The following OR6F1 variants were observed in gnomAD, a reference collection of about 807,000 sequenced individuals.
OR6F1 encodes the protein olfactory receptor family 6 subfamily F member 1.
For missense variants in OR6F1, 346 were observed against 376.0 expected, an observed-to-expected ratio of 0.92 and a Z score of 0.66; for synonymous variants, 144 against 150.0, an observed-to-expected ratio of 0.96 and a Z score of 0.29.
At chr1:247,714,721 A>G (rs1032910955) in intron 1 of OR6F1, among the ~76,000 whole-genome samples, 1 of 152,136 alleles carries the variant, frequency 6.6e-6, no homozygotes, top group Non-Finnish European at 1.5e-5. Context: ...ATACAGAAAA[A>G]AATGCCCTAG....
chr1:247,713,059 G>A (rs1284015144), intron 2 of OR6F1, among the ~76,000 whole-genome samples: 2 of 152,198 alleles, frequency 1.3e-5, no homozygotes, highest in Non-Finnish European at 2.9e-5. Context: ...TCAGCTCCAA[G>A]ATTCAACTCC....
At chr1:247,713,327 C>T (rs1660045592) in intron 2 of OR6F1, among the ~76,000 whole-genome samples, 1 of 151,194 alleles carries the variant, frequency 6.6e-6, no homozygotes, top group South Asian at 2.1e-4. Context: ...TCAAAAGTCA[C>T]CAAAGGTAAC....
In OR6F1 at chr1:247,713,941, G is replaced by C; in HGVS notation, c.-113C>G. 1 of 398,528 alleles carries C rather than the reference G, an allele frequency of 2.5e-6. No homozygotes were observed. The highest frequency in any genetic ancestry group is 3.6e-5 in the East Asian group (1 of 28,068). 24.7% of individuals were successfully genotyped at this position (398,528 alleles called of 1,614,324 possible). On this transcript the variant is annotated 5_prime_UTR_variant, in exon 2 of 3. Coordinates refer to ENST00000641470, the MANE Select transcript of OR6F1 (RefSeq NM_001005286.2). ...AAGCAGTGCTTCTCAAGCTCTAATG[G>C]GCACATGAATCACCTAAGGGTATTG...
Position 247,712,564 on chromosome 1 carries a change from G to A in OR6F1, c.192C>T (p.Ser64=), listed in dbSNP as rs752825015. Residue 64 remains serine (S), a synonymous_variant, in exon 3 of 3, where the codon AGC becomes AGT. Coordinates refer to ENST00000641470, the MANE Select transcript of OR6F1 (RefSeq NM_001005286.2). ...ACCAAATCTCCAGGAAGGAGAGGTT[G>A]CTCAGAAAGAAGTACATGGGGGTAT... The part of the protein sequence containing the change: ...QLHTPMYFFL[S]NLSFLEIWYT... 3.1e-6 allele frequency: 5 copies of A among 1,614,060 alleles called. No individual in the cohort carries two copies. The South Asian group carries it at 5.5e-5, about 18-fold the overall frequency.
At position 247,711,852 on chromosome 1, in the gene OR6F1, G is replaced by A. The variant is rs1434104610; in HGVS notation, c.904C>T (p.Leu302=). The A allele has an allele frequency of 1.2e-6, 2 of 1,611,688 alleles. No homozygotes were observed. Among genetic ancestry groups the A allele is most frequent in the Non-Finnish European group, 1.7e-6 (2 of 1,177,946 alleles). ...LRNKEVRETL[L]KKWKGK ...ATTTATTTTCCCTTCCATTTCTTCAGCAGAGTCTCTCTTACTTCCTTATTA... is the reference window on the plus strand; with the variant it reads ...ATTTATTTTCCCTTCCATTTCTTCAACAGAGTCTCTCTTACTTCCTTATTA... The change falls in exon 3 of 3, where the codon CTG becomes TTG. Residue 302 remains leucine (L), a synonymous_variant. Coordinates refer to ENST00000641470, the MANE Select transcript of OR6F1 (RefSeq NM_001005286.2).
In OR6F1 at chr1:247,711,948, G is replaced by T; in HGVS notation, c.808C>A (p.Leu270Met). The change falls in exon 3 of 3, where the codon CTG becomes ATG. Residue 270 changes from leucine (L) to methionine (M), a missense_variant. Physicochemically the swap from Leu to Met is conservative, Grantham distance 15. Coordinates refer to ENST00000641470, the MANE Select transcript of OR6F1 (RefSeq NM_001005286.2). ...VRTSIKDALD[L>M]IKAVHVLNTV... is the part of the protein sequence containing the mutation. The stretch of plus-strand genomic sequence containing the variant: ...TTCAGGACGTGGACAGCTTTGATCA[G>T]ATCCAAGGCATCTTTGATAGAGGTG... 6.2e-7 allele frequency: 1 copy of T among 1,613,856 alleles called. No homozygotes were observed. The highest frequency in any genetic ancestry group is 8.5e-7 in the Non-Finnish European group (1 of 1,179,738).
chr1:247,711,979 G>C lies in OR6F1; in HGVS notation c.777C>G (p.His259Gln). The part of the protein sequence containing the change: ...LIWYGSTVFL[H>Q]VRTSIKDALD... ...AGGCATCTTTGATAGAGGTGCGGAC[G>C]TGAAGGAAAACTGTGGACCCATACC... Residue 259 changes from histidine to glutamine, a missense_variant, in exon 3 of 3, where the codon CAC (histidine) becomes CAG (glutamine). By Grantham distance (24) the His-to-Gln change is conservative. Coordinates refer to ENST00000641470, the MANE Select transcript of OR6F1 (RefSeq NM_001005286.2). The C allele has an allele frequency of 1.2e-6, 2 of 1,614,168 alleles. No homozygotes were observed. The highest frequency in any genetic ancestry group is 1.7e-6 in the Non-Finnish European group (2 of 1,180,002).
rs565786157 is a variant in OR6F1 at position 247,711,705 on chromosome 1, TTTTG to T, written c.*120_*123del. The T allele has an allele frequency of 3.0e-3, 1,969 of 662,446 alleles. 16 individuals are homozygous for T. The highest frequency in any genetic ancestry group is 0.014 in the East Asian group (548 of 38,980). The allele number at this position is 662,446 out of a possible 1,614,324, so 41.0% of individuals were successfully genotyped here. ...TGTATAGAAAATACAGTATTGCTTG[TTTTG>T]TTTGTTTGTTTTTTCTCTGTGTACC... On this transcript the variant is annotated 3_prime_UTR_variant, in exon 3 of 3. Transcript: ENST00000641470.
Position 247,712,299 on chromosome 1 carries a change from A to G in OR6F1, c.457T>C (p.Phe153Leu), listed in dbSNP as rs573395021. 1 of 1,614,176 alleles carries G rather than the reference A, an allele frequency of 6.2e-7. No individual in the cohort carries two copies. Among genetic ancestry groups the G allele is most frequent in the East Asian group, 2.2e-5 (1 of 44,880 alleles). Residue 153 changes from phenylalanine (F) to leucine (L), a missense_variant, in exon 3 of 3, where the codon TTC (phenylalanine) becomes CTC (leucine). Physicochemically the swap from Phe to Leu is conservative, Grantham distance 22. Coordinates refer to ENST00000641470, the MANE Select transcript of OR6F1 (RefSeq NM_001005286.2). ...QLALGSWVCG[F>L]VAIAVPTALI... ...GCTGTGGGCACTGCAATGGCCACGA[A>G]ACCACACACCCAGGAGCCCAGGGCC...
In OR6F1 at chr1:247,711,775, C is replaced by G; in HGVS notation, c.*54G>C. On this transcript the variant is annotated 3_prime_UTR_variant, in exon 3 of 3. Transcript: ENST00000641470. Reference sequence around the variant, plus strand: ...TATTCCTCCACATTCTTACTTGGAACCTCTGTATAGATGCAGAGACCATTT... The same window carrying G: ...TATTCCTCCACATTCTTACTTGGAAGCTCTGTATAGATGCAGAGACCATTT... 2 of 1,171,464 alleles carry G rather than the reference C, an allele frequency of 1.7e-6. No individual in the cohort carries two copies. 72.6% of individuals were successfully genotyped at this position (1,171,464 alleles called of 1,614,324 possible).
At chr1:247,715,685 A>G (rs894216676) in intron 1 of OR6F1, among the ~76,000 whole-genome samples, 2 of 152,200 alleles carry the variant, frequency 1.3e-5, no homozygotes, top group African/African-American at 4.8e-5. Flanking sequence ...GAAGTAAATT[A>G]CCTTTTAATT....
Position 247,712,479 on chromosome 1 carries a change from A to G in OR6F1, c.277T>C (p.Ser93Pro), listed in dbSNP as rs1265539748. ...ATCTGCAAAAGACAGCTTGTAAATG[A>G]TATGGTCTGACTTCTCCCCAGTAGG... ...AILLGRSQTI[S>P]FTSCLLQMYF... Residue 93 changes from serine to proline, a missense_variant, in exon 3 of 3, where the codon TCA becomes CCA. Transcript: ENST00000641470. 1 of 1,614,028 alleles carries G rather than the reference A, an allele frequency of 6.2e-7. No individual in the cohort carries two copies. Among genetic ancestry groups the G allele is most frequent in the Non-Finnish European group, 8.5e-7 (1 of 1,180,002 alleles).
Position 247,712,640 on chromosome 1 carries a change from A to C in OR6F1, c.116T>G (p.Val39Gly), listed in dbSNP as rs1442502399. 6.2e-7 allele frequency: 1 copy of C among 1,613,530 alleles called. No homozygotes were observed. Among genetic ancestry groups the C allele is most frequent in the Non-Finnish European group, 8.5e-7 (1 of 1,179,500 alleles). The change falls in exon 3 of 3, where the codon GTT (valine) becomes GGT (glycine). Residue 39 changes from valine (V) to glycine (G), a missense_variant. Coordinates refer to ENST00000641470, the MANE Select transcript of OR6F1 (RefSeq NM_001005286.2). ...CATCAAGATAGCCACATTACCACTA[A>C]CTGTGAGGATGTACATCACCAGAAA... ...MLFLVMYILT[V>G]SGNVAILMLV... is the part of the protein sequence containing the mutation.
At chr1:247,713,800 AC>A (rs1170144177) in intron 2 of OR6F1, 90 bp downstream of exon 2, 5 of 397,482 alleles carry the variant, frequency 1.3e-5, no homozygotes, top group Admixed American at 4.4e-5. Context: ...TCCCGCATAA[AC>A]CCAAAGCTAC....
rs200007349 is a variant in OR6F1 at position 247,712,262 on chromosome 1, C to G, written c.494G>C (p.Gly165Ala). 2 of 1,614,082 alleles carry G rather than the reference C, an allele frequency of 1.2e-6. No individual in the cohort carries two copies. The highest frequency in any genetic ancestry group is 2.7e-5 in the African/African-American group (2 of 74,934). ...GGCACGGGGGCCACAGAAGGACAGGCCACTGATGAGGGCTGTGGGCACTGC... is the reference window on the plus strand; with the variant it reads ...GGCACGGGGGCCACAGAAGGACAGGGCACTGATGAGGGCTGTGGGCACTGC... ...AIAVPTALIS[G>A]LSFCGPRAIN... Residue 165 changes from glycine to alanine, a missense_variant, in exon 3 of 3, where the codon GGC (glycine) becomes GCC (alanine). Physicochemically the swap from Gly to Ala is moderately conservative, Grantham distance 60. Coordinates refer to ENST00000641470, the MANE Select transcript of OR6F1 (RefSeq NM_001005286.2).
chr1:247,711,996 A>G lies in OR6F1; in HGVS notation c.760T>C (p.Ser254Pro), dbSNP rs1370223226. 1 of 1,614,198 alleles carries G rather than the reference A, an allele frequency of 6.2e-7. No homozygotes were observed. Among genetic ancestry groups the G allele is most frequent in the Non-Finnish European group, 8.5e-7 (1 of 1,180,010 alleles). The change falls in exon 3 of 3, where the codon TCC (serine) becomes CCC (proline). Residue 254 changes from serine (S) to proline (P), a missense_variant. Coordinates refer to ENST00000641470, the MANE Select transcript of OR6F1 (RefSeq NM_001005286.2). The part of the protein sequence containing the change: ...HLTVVLIWYG[S>P]TVFLHVRTSI... The stretch of plus-strand genomic sequence containing the variant: ...GTGCGGACGTGAAGGAAAACTGTGG[A>G]CCCATACCAAATGAGCACCACGGTG...
rs968987617 is a variant in OR6F1, at chr1:247,711,747, C to T, written c.*82G>A. 3.2e-5 allele frequency: 27 copies of T among 836,616 alleles called. No individual in the cohort carries two copies. Among genetic ancestry groups the T allele is most frequent in the Non-Finnish European group, 5.3e-5 (27 of 512,726 alleles). 51.8% of individuals were successfully genotyped at this position (836,616 alleles called of 1,614,324 possible). On this transcript the variant is annotated 3_prime_UTR_variant, in exon 3 of 3. Transcript: ENST00000641470. ...TTCTCTGTGTACCAAGAAAGATTTGCCCTATTCCTCCACATTCTTACTTGG... is the reference window on the plus strand; with the variant it reads ...TTCTCTGTGTACCAAGAAAGATTTGTCCTATTCCTCCACATTCTTACTTGG...
At chr1:247,714,955 G>C (rs906940382) in intron 1 of OR6F1, among the ~76,000 whole-genome samples, 1 of 152,104 alleles carries the variant, frequency 6.6e-6, no homozygotes, top group Non-Finnish European at 1.5e-5. Flanking sequence ...GGTCATCAGG[G>C]AGCATTGTTA....
chr1:247,713,766 C>T (rs542678193), intron 2 of OR6F1, 125 bp downstream of exon 2: 14 of 395,242 alleles, frequency 3.5e-5, no homozygotes, highest in Non-Finnish European at 5.8e-5. Flanking sequence ...CCTACCCTCG[C>T]GTTCACCAAC....
Sources: gnomAD v4.1 joint callset for allele counts (sites outside exome capture counted in the v4.1 genomes callset) on GRCh38, gnomAD v4.1.1 for gene constraint, MANE v1.5 for transcripts, NCBI Gene and HGNC (gene_info 2026-07-23, HGNC 2026-07-21) for gene names.